MECOM: variants seen among roughly 807,000 people sequenced by gnomAD.
The protein encoded by MECOM is histone-lysine N-methyltransferase MECOM.
Under a neutral mutation model 116.3 loss-of-function variants are expected in MECOM, and 13 were observed. The observed-to-expected ratio is 0.11, with a 90% CI of 0.07 to 0.18. The LOEUF is 0.18. Among genes scored for constraint, MECOM ranks in the 10% least tolerant of loss-of-function variants. The pLI is 1.00. For synonymous variants in MECOM, 528 were observed against 535.2 expected (o/e 0.99, Z 0.19); for missense variants, 1,299 against 1,509.0 (o/e 0.86, Z 2.31).
At chr3:169,584,983 C>T (rs1346594401) in intron 1 of MECOM, among the ~76,000 whole-genome samples, 3 of 152,204 alleles carry the variant, frequency 2.0e-5, no homozygotes, top group Non-Finnish European at 4.4e-5. Context: ...GAGAATGATG[C>T]TGACTAGTTG....
chr3:169,502,093 T>C (rs1005247354), intron 1 of MECOM, among the ~76,000 whole-genome samples: 1 of 152,124 alleles, frequency 6.6e-6, no homozygotes, highest in Non-Finnish European at 1.5e-5. Flanking sequence ...TAGTTATTGT[T>C]TTCTCGCAGG....
intron 3 of MECOM, among the ~76,000 whole-genome samples, chr3:169,141,234 T>C (rs1738017549): frequency 6.6e-6 from 1 of 152,080 alleles, no homozygotes. Context: ...CCAGGATTTA[T>C]ACCTGTCTTG....
At chr3:169,308,684 A>C (rs916105409) in intron 2 of MECOM, among the ~76,000 whole-genome samples, 2 of 152,180 alleles carry the variant, frequency 1.3e-5, no homozygotes, top group African/African-American at 4.8e-5. Context: ...TTTTTATCCA[A>C]ATAAAGGTAT....
chr3:169,399,238 C>T (rs1267890097), intron 1 of MECOM, among the ~76,000 whole-genome samples: 1 of 152,082 alleles, frequency 6.6e-6, no homozygotes, highest in African/African-American at 2.4e-5. Context: ...CGCACATGTA[C>T]CCTAGAACTG....
chr3:169,252,984 C>T (rs784287), intron 2 of MECOM, among the ~76,000 whole-genome samples: 1,665 of 152,232 alleles, frequency 0.011, 15 homozygotes, highest in Non-Finnish European at 0.018. Flanking sequence ...TTCTTTAATA[C>T]TTAACTCATC....
At chr3:169,120,782 C>G (rs564091846) in intron 7 of MECOM, 19 of 262,180 alleles carry the variant, frequency 7.2e-5, no homozygotes, top group Admixed American at 1.1e-4. Flanking sequence ...ATCCTACAAC[C>G]TGTGGAGGTT....
Position 169,663,503 on chromosome 3 carries a change from T to A in MECOM, c.-131A>T. 1.5e-6 allele frequency: 1 copy of A among 662,452 alleles called. No individual in the cohort carries two copies. Among genetic ancestry groups the A allele is most frequent in the Non-Finnish European group, 2.7e-6 (1 of 376,450 alleles). The allele number at this position is 662,452 out of a possible 1,614,324, so 41.0% of individuals were successfully genotyped here. On this transcript the variant is annotated 5_prime_UTR_variant, in exon 1 of 17. Transcript: ENST00000651503. ...CTCTCTCTCTCTCTCTCTCTCTCTC[T>A]CTCTCTCTCTCTCTCTCTCTCTCTC...
intron 1 of MECOM, among the ~76,000 whole-genome samples, chr3:169,652,657 G>A (rs1775061013): frequency 6.6e-6 from 1 of 152,142 alleles, no homozygotes; most frequent in African/African-American, 2.4e-5. Flanking sequence ...CTTGAATTAA[G>A]GGAACAGAGT....
intron 1 of MECOM, among the ~76,000 whole-genome samples, chr3:169,556,406 G>T (rs1162391532): frequency 6.6e-6 from 1 of 152,150 alleles, no homozygotes; most frequent in Non-Finnish European, 1.5e-5. Flanking sequence ...TGAAGGTGAA[G>T]TAAAGGGGAA....
chr3:169,139,602 C>A (rs1737475342), intron 3 of MECOM, among the ~76,000 whole-genome samples: 1 of 152,100 alleles, frequency 6.6e-6, no homozygotes, highest in South Asian at 2.1e-4. Context: ...TAAATTGTGT[C>A]TTAGTGACTC....
At chr3:169,281,268 G>A (rs548689107) in intron 2 of MECOM, among the ~76,000 whole-genome samples, 4 of 152,232 alleles carry the variant, frequency 2.6e-5, no homozygotes, top group East Asian at 1.9e-4. Context: ...GAGTACTAAC[G>A]TAGAGGAAGT....
At chr3:169,652,313 T>A (rs897229688) in intron 1 of MECOM, among the ~76,000 whole-genome samples, 11 of 152,188 alleles carry the variant, frequency 7.2e-5, no homozygotes, top group African/African-American at 2.4e-4. Context: ...TTATTATCAT[T>A]TTATCATGAA....
chr3:169,120,727 C>G (rs1730747149), intron 7 of MECOM, among the ~76,000 whole-genome samples: 1 of 152,150 alleles, frequency 6.6e-6, no homozygotes, highest in African/African-American at 2.4e-5. Flanking sequence ...CTTTACAAAG[C>G]CATGAACATT....
chr3:169,093,092 T>C lies in MECOM; in HGVS notation c.3030A>G (p.Thr1010=), dbSNP rs113071472. The C allele has an allele frequency of 2.5e-6, 4 of 1,610,990 alleles. No homozygotes were observed. In the African/African-American group the frequency reaches 4.0e-5, roughly 16 times the overall value. ...HENGNMSGTA[T]SSPHSELEST... is the part of the protein sequence containing the mutation. The stretch of plus-strand genomic sequence containing the variant: ...TTTCCAGTTCAGAATGAGGCGACGA[T>C]GTTGCTGTACCTGTGTGGAGCAGAA... Residue 1010 remains threonine, a synonymous_variant, in exon 14 of 17, where the codon ACA becomes ACG. Transcript: ENST00000651503.
intron 2 of MECOM, among the ~76,000 whole-genome samples, chr3:169,326,886 T>C (rs1721918040): frequency 6.6e-6 from 1 of 152,224 alleles, no homozygotes; most frequent in African/African-American, 2.4e-5. Flanking sequence ...CAAGTCATTG[T>C]AAAGGACAAT....
rs950750300 is a variant in MECOM at position 169,607,257 on chromosome 3, G to C, written c.37+56079C>G. 2.0e-5 allele frequency among the ~76,000 whole-genome samples: 3 copies of C among 152,230 alleles called. No individual in the cohort carries two copies. In the South Asian group the frequency reaches 6.2e-4, roughly 32 times the overall value. On this transcript the variant is annotated intron_variant, in intron 1 of 16. Coordinates refer to ENST00000651503, the MANE Select transcript of MECOM (RefSeq NM_004991.4). Reference sequence around the variant, plus strand: ...TCGATATCCATCTTCCTTCTACCACGCTATGTACAGTGTGCCTAATGAGTC... The same window carrying C: ...TCGATATCCATCTTCCTTCTACCACCCTATGTACAGTGTGCCTAATGAGTC...
intron 2 of MECOM, among the ~76,000 whole-genome samples, chr3:169,176,576 A>G (rs1486178094): frequency 6.6e-6 from 1 of 152,190 alleles, no homozygotes; most frequent in African/African-American, 2.4e-5. Flanking sequence ...TCATGATGAA[A>G]ACACCAAAAG....
intron 1 of MECOM, among the ~76,000 whole-genome samples, chr3:169,538,357 T>C (rs910713941): frequency 6.6e-5 from 10 of 152,188 alleles, no homozygotes; most frequent in Non-Finnish European, 1.3e-4. Context: ...CTCCACACTA[T>C]GACAACACTA....
intron 2 of MECOM, among the ~76,000 whole-genome samples, chr3:169,178,575 G>T (rs1288798271): frequency 3.0e-4 from 45 of 152,112 alleles, no homozygotes; most frequent in Admixed American, 2.9e-3. Context: ...AGTGCAATCA[G>T]GTCATGTTTG....
Sources: gnomAD v4.1 joint callset for allele counts (sites outside exome capture counted in the v4.1 genomes callset) on GRCh38, gnomAD v4.1.1 for gene constraint, MANE v1.5 for transcripts, NCBI Gene and HGNC (gene_info 2026-07-23, HGNC 2026-07-21) for gene names.